Variants in UACA observed in about 807,000 individuals in gnomAD.
The protein encoded by UACA is uveal autoantigen with coiled-coil domains and ankyrin repeats, also known as nuclear membrane binding protein.
Under a neutral mutation model 160.5 loss-of-function variants are expected in UACA, and 112 were observed. The ratio of observed to expected loss-of-function variants is 0.70; its 90% CI spans 0.60 to 0.82. UACA has a LOEUF of 0.82. UACA is among the 40% of genes least tolerant of loss of function. The pLI is 0.00. For missense variants in UACA, 1,574 were observed against 1,614.6 expected (o/e 0.97, Z 0.43); for synonymous variants, 557 against 568.4 (o/e 0.98, Z 0.29).
At chr15:70,689,235 A>T (rs1470114002) in intron 5 of UACA, among the ~76,000 whole-genome samples, 1 of 152,178 alleles carries the variant, frequency 6.6e-6, no homozygotes, top group Non-Finnish European at 1.5e-5. Flanking sequence ...TTTTAAAATG[A>T]CCATGAGTGA....
chr15:70,718,775 C>A (rs1312242610), intron 1 of UACA, among the ~76,000 whole-genome samples: 1 of 152,008 alleles, frequency 6.6e-6, no homozygotes, highest in Non-Finnish European at 1.5e-5. Flanking sequence ...ACAACAGCTA[C>A]CACCAAAAAT....
At chr15:70,708,539 C>T (rs565248156) in intron 1 of UACA, among the ~76,000 whole-genome samples, 12 of 151,688 alleles carry the variant, frequency 7.9e-5, no homozygotes, top group African/African-American at 2.9e-4. Flanking sequence ...CAGCTCACTG[C>T]AGCCTGCAAC....
intron 1 of UACA, among the ~76,000 whole-genome samples, chr15:70,714,930 A>G (rs1050289996): frequency 3.3e-5 from 5 of 152,214 alleles, no homozygotes; most frequent in African/African-American, 1.2e-4. Flanking sequence ...CCCTTCCTCA[A>G]GAGGAGATGC....
the UACA span, chr15:70,778,707 A>T: frequency 3.3e-5 from 5 of 152,238 alleles, no homozygotes; most frequent in Non-Finnish European, 7.3e-5. Context: ...CAACATGGAC[A>T]TCATTGCATG....
At chr15:70,745,446 GA>G (rs71152312) in intron 1 of UACA, among the ~76,000 whole-genome samples, 84,498 of 129,412 alleles carry the variant, frequency 0.65, 27,274 homozygotes, top group Admixed American at 0.76. Context: ...AAAAGAAAAA[GA>G]AAAAAAAAAA....
At chr15:70,696,922 C>T (rs1028255597) in intron 2 of UACA, among the ~76,000 whole-genome samples, 6 of 152,136 alleles carry the variant, frequency 3.9e-5, no homozygotes, top group African/African-American at 1.4e-4. Flanking sequence ...CACAACAAAT[C>T]TACAATGCAT....
intron 7 of UACA, among the ~76,000 whole-genome samples, chr15:70,684,687 T>A (rs1162630798): frequency 1.3e-5 from 2 of 152,070 alleles, no homozygotes; most frequent in Non-Finnish European, 2.9e-5. Flanking sequence ...ACTGTAGTTC[T>A]ACTTGAACAC....
the UACA span, among the ~76,000 whole-genome samples, chr15:70,773,002 T>C: frequency 6.6e-6 from 1 of 150,440 alleles, no homozygotes; most frequent in Non-Finnish European, 1.5e-5. Context: ...GGCAGGATTG[T>C]GTCACTGCAT....
At chr15:70,687,352 CCTT>C (rs1027945657) in intron 7 of UACA, among the ~76,000 whole-genome samples, 185 bp downstream of exon 7, 3 of 152,142 alleles carry the variant, frequency 2.0e-5, no homozygotes, top group Admixed American at 6.6e-5. Flanking sequence ...ATTTCCCTCT[CCTT>C]CTTTCTTCAG....
At chr15:70,752,007 C>T (rs906845844) in intron 1 of UACA, among the ~76,000 whole-genome samples, 2 of 152,032 alleles carry the variant, frequency 1.3e-5, no homozygotes, top group Non-Finnish European at 2.9e-5. Flanking sequence ...GAGGCCGAGG[C>T]GGGCAGATCA....
chr15:70,679,866 A>C, intron 9 of UACA, 190 bp from the exon 10 acceptor site: 1 of 342,424 alleles, frequency 2.9e-6, no homozygotes. Context: ...TGTTTTAAAT[A>C]AATCAAGTAT....
At chr15:70,688,496 G>A (rs151083427) in intron 5 of UACA, among the ~76,000 whole-genome samples, 68 of 151,896 alleles carry the variant, frequency 4.5e-4, no homozygotes, top group African/African-American at 1.6e-3. Flanking sequence ...TTTTTTATTG[G>A]TGAAATAATA....
At chr15:70,682,633 T>C (rs2140933922) in intron 9 of UACA, 125 bp downstream of exon 9, 2 of 476,066 alleles carry the variant, frequency 4.2e-6, no homozygotes, top group South Asian at 1.3e-4. Context: ...ACGGGCTTGA[T>C]TAACTGAGAA....
chr15:70,762,515 G>A (rs1024573659), intron 1 of UACA, among the ~76,000 whole-genome samples: 1 of 152,166 alleles, frequency 6.6e-6, no homozygotes, highest in Non-Finnish European at 1.5e-5. Context: ...TCTGCGGTCA[G>A]GCTGTTTCTC....
intron 16 of UACA, 84 bp from the exon 17 acceptor site, chr15:70,664,898 G>C: frequency 7.8e-7 from 1 of 1,285,758 alleles, no homozygotes; most frequent in South Asian, 1.7e-5. Context: ...TTCCTTTTTG[G>C]AGACAGAAGC....
intron 4 of UACA, 130 bp downstream of exon 4, chr15:70,691,169 A>G: frequency 1.7e-6 from 1 of 586,400 alleles, no homozygotes. Flanking sequence ...AATGATGGAA[A>G]AAATATGTAA....
chr15:70,763,246 A>G, intron 1 of UACA, 84 bp downstream of exon 1: 1 of 1,266,940 alleles, frequency 7.9e-7, no homozygotes, highest in Non-Finnish European at 1.0e-6. Flanking sequence ...AAAGCAGAGG[A>G]AGGCGGCGCG....
rs909386790 is a variant in UACA at position 70,712,064 on chromosome 15, A to ATATATATATATATATATATATATATC, written c.79-12405_79-12404insGATATATATATATATATATATATATA. ...CTAAGCTCCAGGCATATATATATATATATCTCCATATACCTTCTTCATGAT... is the reference window on the plus strand; with the variant it reads ...CTAAGCTCCAGGCATATATATATATATATATATATATATATATATATATATCTATCTCCATATACCTTCTTCATGAT... On this transcript the variant is annotated intron_variant, in intron 1 of 18. Transcript: ENST00000322954. Among the ~76,000 whole-genome samples the ATATATATATATATATATATATATATC allele has an allele frequency of 1.1e-4, 16 of 145,554 alleles. 1 individual carries two copies. Among genetic ancestry groups the ATATATATATATATATATATATATATC allele is most frequent in the African/African-American group, 4.2e-4 (15 of 35,826 alleles).
chr15:70,711,282 A>G (rs1898673731), intron 1 of UACA, among the ~76,000 whole-genome samples: 1 of 152,212 alleles, frequency 6.6e-6, no homozygotes, highest in African/African-American at 2.4e-5. Flanking sequence ...TAATATAAGG[A>G]GAGGCAGCAA....
Sources: allele counts gnomAD v4.1 joint callset (sites outside exome capture counted in the v4.1 genomes callset), GRCh38; gene constraint gnomAD v4.1.1; transcripts MANE v1.5; gene names NCBI Gene and HGNC (gene_info 2026-07-23, HGNC 2026-07-21).